MAST4: variants seen among roughly 807,000 people sequenced by gnomAD.
MAST4 encodes the protein microtubule-associated serine/threonine-protein kinase 4.
In MAST4, 89 loss-of-function variants were observed where a neutral mutation model predicts 162.7. The observed-to-expected ratio is 0.55, with a 90% CI of 0.46 to 0.65. The LOEUF is 0.65. MAST4 is among the 30% of genes least tolerant of loss of function. The probability of loss-of-function intolerance (pLI) is 0.00; values close to 1 mark genes in which losing one functional copy is unlikely to be tolerated. For synonymous variants in MAST4, 1,479 were observed against 1,361.1 expected, an observed-to-expected ratio of 1.09 and a Z score of -1.91; for missense variants, 3,153 against 3,374.0, an observed-to-expected ratio of 0.93 and a Z score of 1.62.
chr5:67,054,997 C>A (rs1256299181), intron 5 of MAST4, among the ~76,000 whole-genome samples: 1 of 150,226 alleles, frequency 6.7e-6, no homozygotes, highest in Non-Finnish European at 1.5e-5. Flanking sequence ...ATGAAAACTG[C>A]TTTATATGCT....
intron 12 of MAST4, chr5:67,114,862 A>G (rs1210465350): frequency 6.6e-6 from 1 of 152,218 alleles, no homozygotes; most frequent in East Asian, 1.9e-4. Context: ...CCTGGCCAAT[A>G]TGGTGAAACC....
At chr5:66,778,864 A>G (rs1411858118) in intron 2 of MAST4, among the ~76,000 whole-genome samples, 1 of 152,176 alleles carries the variant, frequency 6.6e-6, no homozygotes, top group African/African-American at 2.4e-5. Context: ...TATTGTAGAC[A>G]TGTATGTTCT....
At position 66,680,573 on chromosome 5, in the gene MAST4, C is replaced by T. The variant is rs150835039; in HGVS notation, c.364-79136C>T. ...CTTTCCCCTCTAGCTTCTTTAAATC[C>T]CCTATTAATTCAGATGCTTTATTTA... On this transcript the variant is annotated intron_variant, in intron 1 of 28. Transcript: ENST00000403625. Among the ~76,000 whole-genome samples, 118 of 152,244 alleles carry T rather than the reference C, an allele frequency of 7.8e-4. 1 individual carries two copies. The highest frequency in any genetic ancestry group is 2.7e-3 in the African/African-American group (114 of 41,562).
In MAST4 at chr5:67,152,873, C is replaced by T; in HGVS notation, c.3525+7C>T. 2 of 1,603,452 alleles carry T rather than the reference C, an allele frequency of 1.2e-6. No individual in the cohort carries two copies. The highest frequency in any genetic ancestry group is 1.7e-6 in the Non-Finnish European group (2 of 1,170,866). ...AGTGCACCATATCGTCTGGGTAAGA[C>T]CTGCATGTCTCGCACTTGGGATTTT... On this transcript the variant is annotated splice_region_variant and intron_variant, in intron 25 of 28. Coordinates refer to ENST00000403625, the MANE Select transcript of MAST4 (RefSeq NM_001164664.2).
chr5:66,862,936 C>A (rs1224512027), intron 3 of MAST4, among the ~76,000 whole-genome samples: 1 of 152,172 alleles, frequency 6.6e-6, no homozygotes, highest in Non-Finnish European at 1.5e-5. Context: ...TCAGAGAACT[C>A]CCTTCTCCAT....
chr5:66,777,335 G>A (rs1754650190), intron 2 of MAST4, among the ~76,000 whole-genome samples: 1 of 152,118 alleles, frequency 6.6e-6, no homozygotes, highest in South Asian at 2.1e-4. Flanking sequence ...TGGATAAAAA[G>A]TAATAATTTA....
chr5:66,865,813 G>A (rs962736298), intron 3 of MAST4, among the ~76,000 whole-genome samples: 15 of 152,146 alleles, frequency 9.9e-5, no homozygotes, highest in African/African-American at 2.7e-4. Context: ...GGTGGCTCAC[G>A]CCTGTAATCC....
chr5:66,874,639 A>G (rs1430363170), intron 3 of MAST4, among the ~76,000 whole-genome samples: 1 of 152,204 alleles, frequency 6.6e-6, no homozygotes, highest in African/African-American at 2.4e-5. Flanking sequence ...CAGATAATCC[A>G]ACTTTATATA....
chr5:66,786,801 T>C (rs890853130), intron 2 of MAST4, among the ~76,000 whole-genome samples: 1 of 152,222 alleles, frequency 6.6e-6, no homozygotes, highest in African/African-American at 2.4e-5. Context: ...CTGAATGTTT[T>C]TGAGATGGTG....
chr5:67,011,869 A>G (rs1752713806), intron 4 of MAST4, among the ~76,000 whole-genome samples: 1 of 152,174 alleles, frequency 6.6e-6, no homozygotes, highest in African/African-American at 2.4e-5. Flanking sequence ...GCGAGGAAAG[A>G]GTGAGAGAGA....
At chr5:66,849,295 C>CT (rs1313624593) in intron 3 of MAST4, among the ~76,000 whole-genome samples, 2 of 152,152 alleles carry the variant, frequency 1.3e-5, no homozygotes, top group African/African-American at 2.4e-5. Flanking sequence ...CAGGCAGAAA[C>CT]TAGAGTCTAT....
rs1343136648 is a variant in MAST4, at chr5:67,166,570, G to A, written c.7391G>A (p.Ser2464Asn). The A allele has an allele frequency of 6.2e-7, 1 of 1,605,648 alleles. No individual in the cohort carries two copies. Among genetic ancestry groups the A allele is most frequent in the Non-Finnish European group, 8.5e-7 (1 of 1,176,262 alleles). Residue 2464 changes from serine (S) to asparagine (N), a missense_variant, in exon 29 of 29, where the codon AGC (serine) becomes AAC (asparagine). By Grantham distance (46) the Ser-to-Asn change is conservative. Transcript: ENST00000403625. The stretch of plus-strand genomic sequence containing the variant: ...GAAAAGTCTCTGAGCTGCTCCTCCA[G>A]CTTCCCTGAAACCAGGGCCGGAGTT... The part of the protein sequence containing the change: ...LPEKSLSCSS[S>N]FPETRAGVRE...
chr5:66,935,760 C>T (rs866813460), intron 4 of MAST4, among the ~76,000 whole-genome samples: 13 of 151,912 alleles, frequency 8.6e-5, no homozygotes, highest in Middle Eastern at 3.4e-3. Context: ...CTCCGCCTCC[C>T]GGGTTCAAGC....
chr5:66,885,603 T>A (rs75831941), intron 3 of MAST4, among the ~76,000 whole-genome samples: 2,395 of 152,336 alleles, frequency 0.016, 57 homozygotes, highest in African/African-American at 0.055. Context: ...ACTTCATGCT[T>A]GATAAATGGC....
chr5:66,598,912 T>G (rs978072648), intron 1 of MAST4, among the ~76,000 whole-genome samples: 44 of 152,224 alleles, frequency 2.9e-4, no homozygotes, highest in African/African-American at 1.1e-3. Flanking sequence ...TAATGATAAC[T>G]TATTTCACAG....
intron 1 of MAST4, among the ~76,000 whole-genome samples, chr5:66,607,130 T>C (rs1321606548): frequency 1.3e-5 from 2 of 152,068 alleles, no homozygotes; most frequent in Non-Finnish European, 2.9e-5. Context: ...AAGGGCAGGT[T>C]TGAGGAGATC....
At chr5:66,918,439 TAA>T (rs1196545199) in intron 4 of MAST4, among the ~76,000 whole-genome samples, 4 of 152,218 alleles carry the variant, frequency 2.6e-5, no homozygotes, top group Non-Finnish European at 5.9e-5. Flanking sequence ...TGAAACTGGA[TAA>T]AGTTTTCGAG....
intron 4 of MAST4, among the ~76,000 whole-genome samples, chr5:66,931,283 G>A (rs1427010000): frequency 1.3e-5 from 2 of 152,100 alleles, no homozygotes; most frequent in East Asian, 1.9e-4. Flanking sequence ...ACATTTACAA[G>A]GGTTTTTTAA....
intron 4 of MAST4, among the ~76,000 whole-genome samples, chr5:67,044,402 A>G (rs773144664): frequency 6.6e-6 from 1 of 152,198 alleles, no homozygotes; most frequent in Non-Finnish European, 1.5e-5. Context: ...ATTGCACTAA[A>G]CAATTAATAG....
Sources: gnomAD v4.1 joint callset for allele counts (sites outside exome capture counted in the v4.1 genomes callset) on GRCh38, gnomAD v4.1.1 for gene constraint, MANE v1.5 for transcripts, NCBI Gene and HGNC (gene_info 2026-07-23, HGNC 2026-07-21) for gene names.